The following NSD3 variants were observed in gnomAD, a reference collection of about 807,000 sequenced individuals.
NSD3 encodes nuclear receptor binding SET domain protein 3, also known as histone-lysine N-methyltransferase NSD3.
Under a neutral mutation model 160.8 loss-of-function variants are expected in NSD3, and 24 were observed. The ratio of observed to expected loss-of-function variants is 0.15; its 90% CI spans 0.11 to 0.21. The LOEUF is 0.21. Ranked by LOEUF, NSD3 falls within the 10% of genes least tolerant of loss-of-function variation. The probability of loss-of-function intolerance (pLI) is 1.00; values close to 1 mark genes in which losing one functional copy is unlikely to be tolerated. For synonymous variants in NSD3, 520 were observed against 600.0 expected (o/e 0.87, Z 1.95); for missense variants, 1,157 against 1,735.9 (o/e 0.67, Z 5.93).
chr8:38,315,659 CT>C, intron 10 of NSD3, 115 bp from the exon 11 acceptor site: 1 of 1,405,876 alleles, frequency 7.1e-7, no homozygotes, highest in Non-Finnish European at 9.6e-7. Flanking sequence ...ACACAACCAC[CT>C]TTTTCCTTCC....
intron 4 of NSD3, 72 bp downstream of exon 4, chr8:38,337,233 T>C: frequency 7.5e-7 from 1 of 1,330,480 alleles, no homozygotes; most frequent in Non-Finnish European, 1.0e-6. Flanking sequence ...TATTCTTATA[T>C]TCACATACAA....
chr8:38,279,392 C>T, intron 21 of NSD3, 148 bp downstream of exon 21: 1 of 976,110 alleles, frequency 1.0e-6, no homozygotes, highest in Non-Finnish European at 1.5e-6. Flanking sequence ...ATATAACTCT[C>T]CTTTTATTTG....
intron 16 of NSD3, among the ~76,000 whole-genome samples, chr8:38,292,743 C>T (rs978787625): frequency 2.0e-5 from 3 of 151,876 alleles, no homozygotes; most frequent in South Asian, 2.1e-4. Flanking sequence ...GAGCCAAGAT[C>T]GTGCCACTGT....
At position 38,332,164 on chromosome 8, in the gene NSD3, C is replaced by T. The variant is rs576689804; in HGVS notation, c.911-579G>A. ...CTATGTTGCTCAGGCTGGTCTCAAA[C>T]GCTTGGCCTGAAGTGATCCTCCTGC... is the stretch of plus-strand genomic sequence containing the variant. On this transcript the variant is annotated intron_variant, in intron 4 of 23. Transcript: ENST00000317025. Among the ~76,000 whole-genome samples the T allele has an allele frequency of 4.6e-5, 7 of 152,208 alleles. No individual in the cohort carries two copies. The South Asian group carries it at 8.3e-4, about 18-fold the overall frequency.
intron 4 of NSD3, among the ~76,000 whole-genome samples, chr8:38,335,240 G>A (rs1480708369): frequency 2.0e-5 from 3 of 152,076 alleles, no homozygotes; most frequent in Non-Finnish European, 2.9e-5. Context: ...CACCCACCTT[G>A]GCCTCCCAAA....
intron 16 of NSD3, among the ~76,000 whole-genome samples, chr8:38,295,074 C>G (rs12386951): frequency 0.21 from 31,947 of 148,600 alleles, 3,635 homozygotes; most frequent in East Asian, 0.31. Flanking sequence ...AACCCGGGAG[C>G]CGGAGCTTGC....
rs117975090 is a variant in NSD3, at chr8:38,362,947, A to G, written c.-44-14732T>C. 9.7e-4 allele frequency among the ~76,000 whole-genome samples: 147 copies of G among 152,300 alleles called. 2 individuals are homozygous for G. In the East Asian group the frequency reaches 0.024, roughly 24 times the overall value. On this transcript the variant is annotated intron_variant, in intron 1 of 23. Coordinates refer to ENST00000317025, the MANE Select transcript of NSD3 (RefSeq NM_023034.2). ...CCTGTGCTCAACATAAAATCAATTT[A>G]TTTTGGAATGTCACGAGATATTTAG...
rs1196116385 is a variant in NSD3 at position 38,316,540 on chromosome 8, T to C, written c.1856-498A>G. On this transcript the variant is annotated intron_variant, in intron 9 of 23. Transcript: ENST00000317025. This position sits in a 1 kb window ranked among gnomAD's most constrained non-coding sequence, Gnocchi z 4.5. ...TTTTCCCCCAAATTTTGCAATTCAGTTGATTATTGCCCCCCAATAAAATTT... is the reference window on the plus strand; with the variant it reads ...TTTTCCCCCAAATTTTGCAATTCAGCTGATTATTGCCCCCCAATAAAATTT... The C allele has an allele frequency of 1.9e-6, 2 of 1,048,546 alleles. No individual in the cohort carries two copies. The highest frequency in any genetic ancestry group is 2.3e-6 in the Non-Finnish European group (2 of 868,684). 65.0% of individuals were successfully genotyped at this position (1,048,546 alleles called of 1,614,324 possible). A position where few individuals can be genotyped will look rare whatever the true frequency, so the allele number is the denominator to read the frequency against.
At chr8:38,303,497 T>A in intron 14 of NSD3, 1 of 561,420 alleles carries the variant, frequency 1.8e-6, no homozygotes, top group Non-Finnish European at 2.3e-6. Flanking sequence ...CTACAGACCC[T>A]GCTAGCTACT....
At position 38,361,945 on chromosome 8, in the gene NSD3, T is replaced by G. The variant is rs929174678; in HGVS notation, c.-44-13730A>C. ...AGAGAGGAGCTCCTTTCCAAAGACC[T>G]ATTATAAACCAGTACCTAAAGACTT... is the stretch of plus-strand genomic sequence containing the variant. On this transcript the variant is annotated intron_variant, in intron 1 of 23. Transcript: ENST00000317025. Among the ~76,000 whole-genome samples, 10 of 152,134 alleles carry G rather than the reference T, an allele frequency of 6.6e-5. 1 individual carries two copies. In the Middle Eastern group the frequency reaches 0.01, roughly 155 times the overall value.
At chr8:38,300,571 G>A (rs1188997095) in intron 14 of NSD3, among the ~76,000 whole-genome samples, 1 of 152,222 alleles carries the variant, frequency 6.6e-6, no homozygotes, top group Non-Finnish European at 1.5e-5. Flanking sequence ...ACCAACTTAA[G>A]CGTTAATAAA....
chr8:38,382,027 T>G lies in NSD3; in HGVS notation c.-273A>C, dbSNP rs777007330. 6.6e-6 allele frequency: 1 copy of G among 152,434 alleles called. No homozygotes were observed. The highest frequency in any genetic ancestry group is 1.5e-5 in the Non-Finnish European group (1 of 68,020). 9.4% of individuals were successfully genotyped at this position (152,434 alleles called of 1,614,324 possible). A position where few individuals can be genotyped will look rare whatever the true frequency, so the allele number is the denominator to read the frequency against. ...CACGGCCGGGCCGGGCCGGGCGTGCTGCGGGAAGAGGAAGGCTCGGGAGGT... is the reference window on the plus strand; with the variant it reads ...CACGGCCGGGCCGGGCCGGGCGTGCGGCGGGAAGAGGAAGGCTCGGGAGGT... On this transcript the variant is annotated 5_prime_UTR_variant, in exon 1 of 24. Coordinates refer to ENST00000317025, the MANE Select transcript of NSD3 (RefSeq NM_023034.2). This position sits in a 1 kb window ranked among gnomAD's most constrained non-coding sequence, Gnocchi z 4.2.
At chr8:38,320,899 A>G (rs1809783237) in intron 8 of NSD3, 173 bp downstream of exon 8, 3 of 483,070 alleles carry the variant, frequency 6.2e-6, no homozygotes, top group Non-Finnish European at 7.1e-6. Flanking sequence ...AAGCAGAATC[A>G]CAGGGATGGC....
intron 1 of NSD3, among the ~76,000 whole-genome samples, chr8:38,350,934 A>G (rs1028831992): frequency 6.6e-6 from 1 of 151,784 alleles, no homozygotes; most frequent in African/African-American, 2.4e-5. Context: ...AATCCATATA[A>G]TATTTTGATA....
At chr8:38,344,857 C>T (rs1404752361) in intron 2 of NSD3, among the ~76,000 whole-genome samples, 1 of 152,084 alleles carries the variant, frequency 6.6e-6, no homozygotes, top group Non-Finnish European at 1.5e-5. Context: ...TGCTAAACAC[C>T]AAGGGCTGGG....
Position 38,321,691 on chromosome 8 carries a change from CAAAAGCAGG to C in NSD3, c.1709-528_1709-520del, listed in dbSNP as rs1054277036. Among the ~76,000 whole-genome samples, 1 of 152,032 alleles carries C rather than the reference CAAAAGCAGG, an allele frequency of 6.6e-6. No individual in the cohort carries two copies. Among genetic ancestry groups the C allele is most frequent in the African/African-American group, 2.4e-5 (1 of 41,388 alleles). On this transcript the variant is annotated intron_variant, in intron 7 of 23. Transcript: ENST00000317025. This position sits in a 1 kb window ranked among gnomAD's most constrained non-coding sequence, Gnocchi z 4.7. ...TAAGTTTTGCTGTTGTTATTAATAA[CAAAAGCAGG>C]AAAAGCAGGGAAGGCAAAAAATGTG...
At chr8:38,305,165 G>C in intron 13 of NSD3, 83 bp downstream of exon 13, 1 of 1,398,060 alleles carries the variant, frequency 7.2e-7, no homozygotes, top group Non-Finnish European at 9.9e-7. Flanking sequence ...AATGCCTTAT[G>C]TTGTTTGTAA....
At chr8:38,306,098 G>T (rs950323693) in intron 12 of NSD3, among the ~76,000 whole-genome samples, 1 of 151,934 alleles carries the variant, frequency 6.6e-6, no homozygotes, top group Non-Finnish European at 1.5e-5. Flanking sequence ...ATCAACATTC[G>T]CCAGGGAGAA....
At chr8:38,311,506 A>G (rs933623071) in intron 12 of NSD3, among the ~76,000 whole-genome samples, 1 of 152,002 alleles carries the variant, frequency 6.6e-6, no homozygotes, top group Admixed American at 6.6e-5. Flanking sequence ...TTGTATTTTT[A>G]GTAGAGATGA....
Sources: gnomAD v4.1 joint callset for allele counts (sites outside exome capture counted in the v4.1 genomes callset) on GRCh38, gnomAD v4.1.1 for gene constraint, Gnocchi (gnomAD v3.1) non-coding constraint, MANE v1.5 for transcripts, NCBI Gene and HGNC (gene_info 2026-07-23, HGNC 2026-07-21) for gene names.